The following FMNL2 variants were observed in gnomAD, a reference collection of about 807,000 sequenced individuals.
The protein encoded by FMNL2 is formin like 2.
In FMNL2, 51 loss-of-function variants were observed where a neutral mutation model predicts 130.2. The ratio of observed to expected loss-of-function variants is 0.39; its 90% CI spans 0.31 to 0.49. FMNL2 has a LOEUF of 0.49. FMNL2 is among the 20% of genes least tolerant of loss of function. The pLI is 0.85. For synonymous variants in FMNL2, 465 were observed against 467.1 expected (o/e 1.00, Z 0.06); for missense variants, 977 against 1,316.2 (o/e 0.74, Z 3.99).
At chr2:152,445,909 A>G (rs1175602156) in intron 1 of FMNL2, among the ~76,000 whole-genome samples, 1 of 152,092 alleles carries the variant, frequency 6.6e-6, no homozygotes, top group Non-Finnish European at 1.5e-5. Context: ...CCTAAACCAC[A>G]CTGGCTTCTT....
chr2:152,400,829 C>T (rs973304922), intron 1 of FMNL2, among the ~76,000 whole-genome samples: 12 of 152,162 alleles, frequency 7.9e-5, no homozygotes, highest in African/African-American at 2.9e-4. Context: ...CTGAATATGC[C>T]CTGGGGGGCA....
chr2:152,592,097 G>A lies in FMNL2; in HGVS notation c.876+11048G>A, dbSNP rs548847599. ...CAGCCTGGTGGCAGAGCGAGACTTC[G>A]TCTCAAAAAAAAAGAAAAGATAACT... On this transcript the variant is annotated intron_variant, in intron 9 of 25. Transcript: ENST00000288670. 9.2e-5 allele frequency among the ~76,000 whole-genome samples: 14 copies of A among 152,112 alleles called. No individual in the cohort carries two copies. In the South Asian group the frequency reaches 1.0e-3, roughly 11 times the overall value.
chr2:152,532,613 T>C (rs2105449385), intron 2 of FMNL2, among the ~76,000 whole-genome samples: 2 of 6,410 alleles, frequency 3.1e-4, no homozygotes, highest in Non-Finnish European at 2.6e-3. Flanking sequence ...TTTTTCTTAT[T>C]TTTTTTTTTT....
intron 1 of FMNL2, among the ~76,000 whole-genome samples, chr2:152,393,333 A>C (rs575524502): frequency 1.3e-5 from 2 of 152,342 alleles, no homozygotes; most frequent in East Asian, 3.8e-4. Context: ...AAACCTATGA[A>C]ATTGCTACTG....
chr2:152,343,354 G>A (rs1184725200), intron 1 of FMNL2, among the ~76,000 whole-genome samples: 4 of 152,170 alleles, frequency 2.6e-5, no homozygotes, highest in Admixed American at 2.6e-4. Context: ...GGCGTACAGT[G>A]GCGTGATCTC....
chr2:152,617,069 C>CT (rs897619620), intron 12 of FMNL2, 22 bp from the exon 13 acceptor site: 1 of 1,607,964 alleles, frequency 6.2e-7, no homozygotes, highest in African/African-American at 1.3e-5. Flanking sequence ...ATTGTGACAG[C>CT]TTTCTTTTCA....
At chr2:152,371,851 C>T (rs1427566025) in intron 1 of FMNL2, among the ~76,000 whole-genome samples, 1 of 151,908 alleles carries the variant, frequency 6.6e-6, no homozygotes, top group Non-Finnish European at 1.5e-5. Context: ...GCAGACTTAG[C>T]CCCCTCACCT....
At chr2:152,586,669 A>T (rs1697093699) in intron 9 of FMNL2, among the ~76,000 whole-genome samples, 1 of 152,218 alleles carries the variant, frequency 6.6e-6, no homozygotes, top group Non-Finnish European at 1.5e-5. Flanking sequence ...TAGAGCATGT[A>T]TGTATTTCAT....
chr2:152,602,661 T>G (rs933604273), intron 9 of FMNL2, among the ~76,000 whole-genome samples: 3 of 152,192 alleles, frequency 2.0e-5, no homozygotes, highest in African/African-American at 7.2e-5. Context: ...ATTAAAAAGT[T>G]TTTGCACCGT....
chr2:152,495,287 C>T (rs976111087), intron 1 of FMNL2, among the ~76,000 whole-genome samples: 3 of 152,020 alleles, frequency 2.0e-5, no homozygotes, highest in African/African-American at 7.2e-5. Context: ...TACATATTAT[C>T]AGTAAGTTTT....
intron 1 of FMNL2, among the ~76,000 whole-genome samples, chr2:152,441,001 A>G (rs1027245913): frequency 2.0e-5 from 3 of 152,242 alleles, no homozygotes; most frequent in Non-Finnish European, 4.4e-5. Context: ...AGGGAAGGCA[A>G]GATCCTCTTC....
In FMNL2 at chr2:152,561,034, C is replaced by T; in HGVS notation, c.595C>T (p.Arg199Ter). Residue 199 changes from arginine to a stop codon, truncating the protein, a stop_gained and splice_region_variant, in exon 6 of 26, where the codon CGA becomes TGA. Coordinates refer to ENST00000288670, the MANE Select transcript of FMNL2 (RefSeq NM_052905.4). LOFTEE classifies it high-confidence loss of function. ...VSRSGRHSAL[R>*]YNTLPSRRTL... ...CCGCTCTGGAAGACATTCTGCACTGCGGTGAGTTCGTTTAATCAGGAGGCA... is the reference window on the plus strand; with the variant it reads ...CCGCTCTGGAAGACATTCTGCACTGTGGTGAGTTCGTTTAATCAGGAGGCA... 3.1e-6 allele frequency: 5 copies of T among 1,589,062 alleles called. No homozygotes were observed. Among genetic ancestry groups the T allele is most frequent in the Admixed American group, 1.8e-5 (1 of 56,552 alleles).
chr2:152,390,658 C>A (rs1195003187), intron 1 of FMNL2: 2 of 805,436 alleles, frequency 2.5e-6, no homozygotes, highest in Admixed American at 1.7e-5. Context: ...CCTCCCTGAA[C>A]TCTTGGGGCT....
intron 1 of FMNL2, among the ~76,000 whole-genome samples, chr2:152,429,303 C>T (rs1403264361): frequency 6.6e-6 from 1 of 151,954 alleles, no homozygotes; most frequent in Non-Finnish European, 1.5e-5. Flanking sequence ...AGAGCTGTCC[C>T]TTTCTAGGCC....
chr2:152,412,982 G>T (rs987018524), intron 1 of FMNL2, among the ~76,000 whole-genome samples: 2 of 152,098 alleles, frequency 1.3e-5, no homozygotes, highest in Non-Finnish European at 1.5e-5. Context: ...CCCCAGGAGG[G>T]TTAATCAGCT....
intron 1 of FMNL2, among the ~76,000 whole-genome samples, chr2:152,359,904 G>A (rs951738288): frequency 6.6e-6 from 1 of 152,112 alleles, no homozygotes; most frequent in Non-Finnish European, 1.5e-5. Flanking sequence ...AGTAGTTGAG[G>A]GATTTTGGCT....
chr2:152,368,415 T>C (rs1276010729), intron 1 of FMNL2, among the ~76,000 whole-genome samples: 1 of 152,198 alleles, frequency 6.6e-6, no homozygotes, highest in Non-Finnish European at 1.5e-5. Context: ...TTAACCCATG[T>C]ATTTTTTAAG....
At chr2:152,545,352 G>A (rs1454197794) in intron 3 of FMNL2, among the ~76,000 whole-genome samples, 1 of 152,170 alleles carries the variant, frequency 6.6e-6, no homozygotes, top group Non-Finnish European at 1.5e-5. Flanking sequence ...TGTGTCTGGA[G>A]TCCTCGAATA....
intron 1 of FMNL2, among the ~76,000 whole-genome samples, chr2:152,350,318 T>A (rs4664569): frequency 6.6e-6 from 1 of 151,950 alleles, no homozygotes; most frequent in African/African-American, 2.4e-5. Context: ...GCTTCAGACC[T>A]TGCCCATGGG....
Sources: allele counts gnomAD v4.1 joint callset (sites outside exome capture counted in the v4.1 genomes callset), GRCh38; gene constraint gnomAD v4.1.1; transcripts MANE v1.5; gene names NCBI Gene and HGNC (gene_info 2026-07-23, HGNC 2026-07-21).